The following CLSTN3 variants were observed in gnomAD, a reference collection of about 807,000 sequenced individuals.
The protein encoded by CLSTN3 is calsyntenin 3.
In CLSTN3, 36 loss-of-function variants were observed where a neutral mutation model predicts 95.9. The observed-to-expected ratio is 0.38, with a 90% CI of 0.29 to 0.50. CLSTN3 has a LOEUF of 0.50. Among genes scored for constraint, CLSTN3 ranks in the 20% least tolerant of loss-of-function variants. The pLI is 0.95. For missense variants in CLSTN3, 1,084 were observed against 1,268.8 expected (o/e 0.85, Z 2.21); for synonymous variants, 481 against 504.0 (o/e 0.95, Z 0.61).
rs1399660764 is a variant in CLSTN3 at position 7,141,573 on chromosome 12, C to G, written c.1486+169C>G. ...TGGGAAGGGACCACAGCCTCCCTCC[C>G]GTATCTCCCACTAATCCAATGGGTC... On this transcript the variant is annotated intron_variant, in intron 9 of 17. Transcript: ENST00000266546. The surrounding 1 kb of genome is among the most constrained non-coding windows in gnomAD (Gnocchi z 4.1). Among the ~76,000 whole-genome samples the G allele has an allele frequency of 6.6e-6, 1 of 152,146 alleles. No homozygotes were observed. Among genetic ancestry groups the G allele is most frequent in the Non-Finnish European group, 1.5e-5 (1 of 68,018 alleles).
In CLSTN3 at chr12:7,143,187, C is replaced by G. The variant is rs1939560869; in HGVS notation, c.1723C>G (p.Leu575Val). 1 of 1,614,014 alleles carries G rather than the reference C, an allele frequency of 6.2e-7. No homozygotes were observed. Among genetic ancestry groups the G allele is most frequent in the African/African-American group, 1.3e-5 (1 of 75,062 alleles). ...MKVHVNPSQSLLTLEGDDVET... is the reference protein window; with the variant it reads ...MKVHVNPSQSVLTLEGDDVET... ...GGTCCACGTGAACCCCTCACAGTCC[C>G]TGCTCACCCTGGAGGGGGATGATGT... The change falls in exon 12 of 18, where the codon CTG becomes GTG. Residue 575 changes from leucine (L) to valine (V), a missense_variant. By Grantham distance (32) the Leu-to-Val change is conservative. Transcript: ENST00000266546.
chr12:7,158,220 A>C lies in CLSTN3; in HGVS notation c.*139A>C, dbSNP rs1591624772. On this transcript the variant is annotated 3_prime_UTR_variant, in exon 18 of 18. Coordinates refer to ENST00000266546, the MANE Select transcript of CLSTN3 (RefSeq NM_014718.4). ...GAACCAGTCCTCCTTTCATTTCAAA[A>C]CCCCAGCGGGCCCTCTGGAGTCCGC... The C allele has an allele frequency of 2.9e-5, 31 of 1,078,484 alleles. No homozygotes were observed. The highest frequency in any genetic ancestry group is 1.1e-4 in the South Asian group (5 of 46,222). 66.8% of individuals were successfully genotyped at this position (1,078,484 alleles called of 1,614,324 possible). A position where few individuals can be genotyped will look rare whatever the true frequency, so the allele number is the denominator to read the frequency against.
chr12:7,148,931 G>A, intron 12 of CLSTN3, 41 bp from the exon 13 acceptor site: 1 of 1,552,858 alleles, frequency 6.4e-7, no homozygotes, highest in Non-Finnish European at 8.9e-7. Context: ...CGGGGAGGAA[G>A]TGTTGGGGTC....
At chr12:7,156,476 A>G in intron 16 of CLSTN3, 1 of 456,832 alleles carries the variant, frequency 2.2e-6, no homozygotes, top group African/African-American at 2.0e-5. Context: ...GAGCTGGGTG[A>G]TGCTGCACAT....
Position 7,135,428 on chromosome 12 carries a change from G to T in CLSTN3, c.485G>T (p.Arg162Leu). ...AAVTEGKLYD[R>L]ILRVEAIDGD... ...GTGACAGAGGGGAAGCTGTACGATCGCATCCTGCGGGTGGAAGCCATTGAC... is the reference window on the plus strand; with the variant it reads ...GTGACAGAGGGGAAGCTGTACGATCTCATCCTGCGGGTGGAAGCCATTGAC... The change falls in exon 4 of 18, where the codon CGC (arginine) becomes CTC (leucine). Residue 162 changes from arginine (R) to leucine (L), a missense_variant. Coordinates refer to ENST00000266546, the MANE Select transcript of CLSTN3 (RefSeq NM_014718.4). The T allele has an allele frequency of 6.2e-7, 1 of 1,614,104 alleles. No individual in the cohort carries two copies. Among genetic ancestry groups the T allele is most frequent in the Non-Finnish European group, 8.5e-7 (1 of 1,179,988 alleles).
chr12:7,158,032 C>T lies in CLSTN3; in HGVS notation c.2822C>T (p.Pro941Leu). 6.5e-7 allele frequency: 1 copy of T among 1,550,134 alleles called. No homozygotes were observed. Among genetic ancestry groups the T allele is most frequent in the Non-Finnish European group, 8.7e-7 (1 of 1,146,140 alleles). ...DSSDSEVADS[P>L]SSDERRIIET... ...AGTGACTCGGAGGTGGCCGATTCCCCCAGCAGCGACGAGAGACGCATCATC... is the reference window on the plus strand; with the variant it reads ...AGTGACTCGGAGGTGGCCGATTCCCTCAGCAGCGACGAGAGACGCATCATC... Residue 941 changes from proline to leucine, a missense_variant, in exon 18 of 18, where the codon CCC (proline) becomes CTC (leucine). Transcript: ENST00000266546.
chr12:7,132,839 G>T, intron 1 of CLSTN3, 185 bp from the exon 2 acceptor site: 1 of 718,796 alleles, frequency 1.4e-6, no homozygotes, highest in South Asian at 1.7e-5. Context: ...ACCTCCCGCA[G>T]ACCCTCTGAC....
intron 12 of CLSTN3, 79 bp from the exon 13 acceptor site, chr12:7,148,893 G>A (rs1939672566): frequency 1.7e-6 from 2 of 1,181,204 alleles, no homozygotes; most frequent in African/African-American, 1.5e-5. Flanking sequence ...GGTAGCTGGG[G>A]CGGGGAGTGA....
Position 7,136,227 on chromosome 12 carries a change from A to G in CLSTN3, c.764A>G (p.Tyr255Cys). 1 of 1,614,122 alleles carries G rather than the reference A, an allele frequency of 6.2e-7. No individual in the cohort carries two copies. Among genetic ancestry groups the G allele is most frequent in the Non-Finnish European group, 8.5e-7 (1 of 1,179,996 alleles). ...SWQGWNKRIE[Y>C]APGAGSLALF... ...GCAGGCTGGAACAAAAGGATCGAAT[A>G]TGCACCAGGTGCTGGGAGCTTGGCT... Residue 255 changes from tyrosine to cysteine, a missense_variant, in exon 6 of 18, where the codon TAT becomes TGT. Coordinates refer to ENST00000266546, the MANE Select transcript of CLSTN3 (RefSeq NM_014718.4).
upstream of CLSTN3, chr12:7,130,360 G>C: frequency 1.4e-6 from 2 of 1,381,140 alleles, no homozygotes; most frequent in Admixed American, 3.1e-5. Context: ...TTGCCCGGCT[G>C]TGCTGACGTC....
chr12:7,135,262 T>C, intron 3 of CLSTN3, 65 bp from the exon 4 acceptor site: 1 of 1,487,586 alleles, frequency 6.7e-7, no homozygotes, highest in East Asian at 2.3e-5. Flanking sequence ...CAAGGCTGTA[T>C]CTCAATGTAT....
At chr12:7,136,784 G>A in intron 6 of CLSTN3, 45 bp from the exon 7 acceptor site, 1 of 1,600,150 alleles carries the variant, frequency 6.2e-7, no homozygotes, top group Non-Finnish European at 8.6e-7. Context: ...TTCACCATCT[G>A]CTGCTTCTTG....
chr12:7,131,774 C>T (rs1939308696), intron 1 of CLSTN3: 1 of 455,298 alleles, frequency 2.2e-6, no homozygotes, highest in Non-Finnish European at 4.4e-6. Flanking sequence ...CTTCCTGTAC[C>T]GCCTCCTGTG....
intron 16 of CLSTN3, among the ~76,000 whole-genome samples, chr12:7,151,969 T>C (rs898744717): frequency 2.7e-5 from 4 of 150,888 alleles, no homozygotes; most frequent in Admixed American, 2.0e-4. Flanking sequence ...TAGGAGGATC[T>C]CTTGGGCCTG....
chr12:7,155,499 C>T (rs1464171766), intron 16 of CLSTN3, among the ~76,000 whole-genome samples: 1 of 152,252 alleles, frequency 6.6e-6, no homozygotes, highest in African/African-American at 2.4e-5. Context: ...CTTTGGCCTC[C>T]ACTCTGAGGG....
intron 16 of CLSTN3, among the ~76,000 whole-genome samples, chr12:7,153,729 C>G (rs965538941): frequency 6.6e-6 from 1 of 152,164 alleles, no homozygotes; most frequent in Non-Finnish European, 1.5e-5. Context: ...CTAGGTCCTG[C>G]TACTCTGATT....
At chr12:7,148,126 A>G (rs1462404123) in intron 12 of CLSTN3, among the ~76,000 whole-genome samples, 1 of 151,190 alleles carries the variant, frequency 6.6e-6, no homozygotes, top group African/African-American at 2.4e-5. Flanking sequence ...ATTGCACCCT[A>G]GCCTGGGCAA....
chr12:7,136,090 C>A lies in CLSTN3; in HGVS notation c.743-116C>A, dbSNP rs61236883. 0.086 allele frequency: 128,949 copies of A among 1,492,374 alleles called. 6,568 individuals carry two copies. The highest frequency in any genetic ancestry group is 0.21 in the South Asian group (16,125 of 77,044). 92.4% of individuals were successfully genotyped at this position (1,492,374 alleles called of 1,614,324 possible). A position where few individuals can be genotyped will look rare whatever the true frequency, so the allele number is the denominator to read the frequency against. On this transcript the variant is annotated intron_variant, in intron 5 of 17. Coordinates refer to ENST00000266546, the MANE Select transcript of CLSTN3 (RefSeq NM_014718.4). ...CAGGCTTGCAGCTATCTACTCTAGC[C>A]GGGCCATCCTGCCAGGAGCCCCAAA...
chr12:7,157,456 C>T lies in CLSTN3; in HGVS notation c.2528-33C>T, dbSNP rs776510279. On this transcript the variant is annotated intron_variant, in intron 16 of 17. Coordinates refer to ENST00000266546, the MANE Select transcript of CLSTN3 (RefSeq NM_014718.4). The surrounding 1 kb of genome is among the most constrained non-coding windows in gnomAD (Gnocchi z 5.9). ...CCAAGTGCCCCCAGGTGTGCCTAGT[C>T]ACGCTCTGCTCACCCCCGCGCTCTC... 13 of 1,526,152 alleles carry T rather than the reference C, an allele frequency of 8.5e-6. No individual in the cohort carries two copies. In the South Asian group the frequency reaches 9.0e-5, roughly 11 times the overall value. 94.5% of individuals were successfully genotyped at this position (1,526,152 alleles called of 1,614,324 possible).
Sources: gnomAD v4.1 joint callset for allele counts (sites outside exome capture counted in the v4.1 genomes callset) on GRCh38, gnomAD v4.1.1 for gene constraint, Gnocchi (gnomAD v3.1) non-coding constraint, MANE v1.5 for transcripts, NCBI Gene and HGNC (gene_info 2026-07-23, HGNC 2026-07-21) for gene names.